RYR3: variants seen among roughly 807,000 people sequenced by gnomAD.
RYR3 encodes the protein ryanodine receptor 3.
RYR3 carries 207 observed loss-of-function variants against 584.3 expected under a neutral mutation model. The ratio of observed to expected loss-of-function variants is 0.35; its 90% CI spans 0.32 to 0.40. RYR3 has a LOEUF of 0.40. Among genes scored for constraint, RYR3 ranks in the 10% least tolerant of loss-of-function variants. The pLI is 1.00. For synonymous variants in RYR3, 2,416 were observed against 2,248.5 expected (o/e 1.07, Z -2.11); for missense variants, 5,616 against 6,089.2 (o/e 0.92, Z 2.59).
chr15:33,600,464 C>A (rs1166498503), intron 16 of RYR3, among the ~76,000 whole-genome samples: 1 of 151,908 alleles, frequency 6.6e-6, no homozygotes, highest in East Asian at 1.9e-4. Context: ...GTTCGCTTTG[C>A]CATGATAGGA....
intron 62 of RYR3, among the ~76,000 whole-genome samples, chr15:33,770,779 A>G (rs1209060361): frequency 6.6e-6 from 1 of 152,198 alleles, no homozygotes. Flanking sequence ...CTTATAGGAT[A>G]AGAACAAGCC....
At chr15:33,824,254 C>G (rs141812442) in intron 81 of RYR3, among the ~76,000 whole-genome samples, 10 of 152,284 alleles carry the variant, frequency 6.6e-5, no homozygotes, top group African/African-American at 2.4e-4. Context: ...CTTGGAGAGA[C>G]AGGTGATATA....
At chr15:33,699,286 C>T (rs894001785) in intron 40 of RYR3, among the ~76,000 whole-genome samples, 1 of 123,466 alleles carries the variant, frequency 8.1e-6, no homozygotes, top group Admixed American at 9.3e-5. Flanking sequence ...CCTCCTCACT[C>T]TCTCCTCTTT....
At chr15:33,766,752 C>T (rs986656773) in intron 60 of RYR3, among the ~76,000 whole-genome samples, 4 of 152,252 alleles carry the variant, frequency 2.6e-5, no homozygotes, top group African/African-American at 9.6e-5. Flanking sequence ...CTCTTCTTTG[C>T]AATCTTCGCC....
intron 31 of RYR3, among the ~76,000 whole-genome samples, chr15:33,649,877 C>A (rs1314994212): frequency 6.6e-6 from 1 of 152,206 alleles, no homozygotes; most frequent in Non-Finnish European, 1.5e-5. Context: ...TCCATCTGTT[C>A]CCCACCTACG....
chr15:33,759,971 G>T (rs1781143142), intron 60 of RYR3, among the ~76,000 whole-genome samples: 1 of 152,106 alleles, frequency 6.6e-6, no homozygotes, highest in Non-Finnish European at 1.5e-5. Context: ...GCCAGAAGAG[G>T]GTGGGGCCAA....
At chr15:33,398,198 T>A (rs529196220) in intron 1 of RYR3, among the ~76,000 whole-genome samples, 8 of 152,218 alleles carry the variant, frequency 5.3e-5, no homozygotes, top group African/African-American at 1.9e-4. Context: ...ACTACCTTTT[T>A]CCAAGGATTT....
intron 2 of RYR3, among the ~76,000 whole-genome samples, chr15:33,492,163 T>C (rs2051016035): frequency 6.6e-6 from 1 of 152,196 alleles, no homozygotes; most frequent in Non-Finnish European, 1.5e-5. Flanking sequence ...GTGTCTGTGA[T>C]GAGTGTTACG....
At chr15:33,642,148 T>TA (rs150126737) in intron 27 of RYR3, among the ~76,000 whole-genome samples, 215 of 152,336 alleles carry the variant, frequency 1.4e-3, no homozygotes, top group African/African-American at 4.9e-3. Context: ...CTTATGCAGT[T>TA]ATTACCTTTT....
intron 3 of RYR3, among the ~76,000 whole-genome samples, chr15:33,522,168 C>G (rs1011569523): frequency 1.8e-4 from 27 of 150,538 alleles, no homozygotes; most frequent in Admixed American, 7.3e-4. Context: ...GAGGCTGACA[C>G]AGGAGAATTG....
chr15:33,329,804 C>G (rs1322900750), intron 1 of RYR3, among the ~76,000 whole-genome samples: 9 of 151,996 alleles, frequency 5.9e-5, no homozygotes, highest in African/African-American at 9.7e-5. Flanking sequence ...CAGGTAGTAC[C>G]CAAATATAGG....
At chr15:33,649,312 C>A (rs1230703778) in intron 31 of RYR3, 77 bp downstream of exon 31, 4 of 1,383,526 alleles carry the variant, frequency 2.9e-6, no homozygotes, top group Admixed American at 1.9e-5. Flanking sequence ...TTCCACCCCA[C>A]ACCCAAAGAA....
chr15:33,837,656 C>T lies in RYR3; in HGVS notation c.11676C>T (p.Gly3892=). Reference sequence around the variant, plus strand: ...GGAATGTGGTAAATGGCACCATTGGCAAGCAGATGGTTGACACACTGGTAG... The same window carrying T: ...GGAATGTGGTAAATGGCACCATTGGTAAGCAGATGGTTGACACACTGGTAG... ...LEGNVVNGTI[G]KQMVDTLVES... Residue 3892 remains glycine, a synonymous_variant, in exon 89 of 104, where the codon GGC becomes GGT. Transcript: ENST00000634891. 6.3e-7 allele frequency: 1 copy of T among 1,596,540 alleles called. No homozygotes were observed. Among genetic ancestry groups the T allele is most frequent in the Admixed American group, 1.7e-5 (1 of 57,420 alleles).
At chr15:33,576,181 C>A (rs2058293221) in intron 12 of RYR3, among the ~76,000 whole-genome samples, 1 of 152,012 alleles carries the variant, frequency 6.6e-6, no homozygotes, top group South Asian at 2.1e-4. Context: ...TACCAGAATT[C>A]TACCAGGTAC....
At chr15:33,699,615 C>A in intron 40 of RYR3, 89 bp from the exon 41 acceptor site, 1 of 1,243,836 alleles carries the variant, frequency 8.0e-7, no homozygotes, top group Non-Finnish European at 1.1e-6. Context: ...AGTGTTCACA[C>A]TTTACCCACT....
At chr15:33,730,099 C>T (rs573143187) in intron 47 of RYR3, among the ~76,000 whole-genome samples, 3 of 92,670 alleles carry the variant, frequency 3.2e-5, no homozygotes, top group South Asian at 7.3e-4. Context: ...ATTTTTTATT[C>T]ATAATGAATA....
In RYR3 at chr15:33,412,712, C is replaced by T. The variant is rs549144315; in HGVS notation, c.52-60707C>T. Among the ~76,000 whole-genome samples, 5 of 152,288 alleles carry T rather than the reference C, an allele frequency of 3.3e-5. No individual in the cohort carries two copies. The South Asian group carries it at 1.0e-3, about 32-fold the overall frequency. ...GAGTACTGTGGCTAAATCAAGCTCC[C>T]ATTCCACTGCTGCATTTTCAGAACT... is the stretch of plus-strand genomic sequence containing the variant. On this transcript the variant is annotated intron_variant, in intron 1 of 103. Transcript: ENST00000634891. This position sits in a 1 kb window ranked among gnomAD's most constrained non-coding sequence, Gnocchi z 4.3.
intron 3 of RYR3, among the ~76,000 whole-genome samples, chr15:33,526,555 G>C (rs547824419): frequency 1.3e-5 from 2 of 152,088 alleles, no homozygotes; most frequent in African/African-American, 4.8e-5. Flanking sequence ...ACAATGAAAA[G>C]AGTAGAATTT....
chr15:33,860,703 C>A (rs545747188), intron 101 of RYR3, 44 bp downstream of exon 101: 7 of 1,338,636 alleles, frequency 5.2e-6, no homozygotes, highest in South Asian at 2.6e-5. Flanking sequence ...TTTTAATATC[C>A]CCAGAAGCAA....
Sources: allele counts gnomAD v4.1 joint callset (sites outside exome capture counted in the v4.1 genomes callset), GRCh38; gene constraint gnomAD v4.1.1; non-coding constraint Gnocchi (gnomAD v3.1); transcripts MANE v1.5; gene names NCBI Gene and HGNC (gene_info 2026-07-23, HGNC 2026-07-21).